Variants in SCAF8 observed in about 807,000 individuals in gnomAD.
SCAF8 encodes SR-related and CTD-associated factor 8.
In SCAF8, 23 loss-of-function variants were observed where a neutral mutation model predicts 140.5. The ratio of observed to expected loss-of-function variants is 0.16; its 90% confidence interval spans 0.12 to 0.23. The LOEUF (loss-of-function observed/expected upper bound fraction) is 0.23. Among genes scored for constraint, SCAF8 ranks in the 10% least tolerant of loss-of-function variants. The pLI is 1.00. For missense variants in SCAF8, 1,397 were observed against 1,555.7 expected, an observed-to-expected ratio of 0.90 and a Z score of 1.72; for synonymous variants, 575 against 528.9, an observed-to-expected ratio of 1.09 and a Z score of -1.20.
chr6:154,795,496 G>A (rs751064887), intron 6 of SCAF8, among the ~76,000 whole-genome samples: 7 of 152,132 alleles, frequency 4.6e-5, no homozygotes, highest in Non-Finnish European at 8.8e-5. Flanking sequence ...CAAAATTATC[G>A]TAGGTAGTGA....
intron 1 of SCAF8, among the ~76,000 whole-genome samples, chr6:154,741,556 A>G (rs1319885632): frequency 2.0e-5 from 3 of 151,996 alleles, no homozygotes; most frequent in African/African-American, 7.2e-5. Context: ...ACAGGCATGT[A>G]CCACCACACC....
rs560017094 is a variant in SCAF8, at chr6:154,745,280, A to G, written c.30+11350A>G. On this transcript the variant is annotated intron_variant, in intron 1 of 19. Transcript: ENST00000367178. ...TTTGGGTTCTATATTTTTGGCAGAA[A>G]CACTCCAGGAGTAATATTGTATTCC... 2.0e-5 allele frequency among the ~76,000 whole-genome samples: 3 copies of G among 152,336 alleles called. No homozygotes were observed. In the East Asian group the frequency reaches 5.8e-4, roughly 29 times the overall value.
chr6:154,789,283 T>C (rs1397093469), intron 4 of SCAF8, among the ~76,000 whole-genome samples: 1 of 151,754 alleles, frequency 6.6e-6, no homozygotes, highest in South Asian at 2.1e-4. Context: ...TAATTTTTTT[T>C]TGTATTTTTA....
Position 154,733,971 on chromosome 6 carries a change from GCC to G in SCAF8, c.30+45_30+46del, listed in dbSNP as rs747651341. 7.3e-6 allele frequency: 11 copies of G among 1,501,250 alleles called. No individual in the cohort carries two copies. In the African/African-American group the frequency reaches 1.2e-4, roughly 16 times the overall value. 93.0% of individuals were successfully genotyped at this position (1,501,250 alleles called of 1,614,324 possible). ...GGGTTCCCCTGCTCCTGCCCGCACCGCCCCCACCCCTGGTCGAGGCCGGGGCC... is the reference window on the plus strand; with the variant it reads ...GGGTTCCCCTGCTCCTGCCCGCACCGCCCACCCCTGGTCGAGGCCGGGGCC... On this transcript the variant is annotated intron_variant, in intron 1 of 19. Coordinates refer to ENST00000367178, the MANE Select transcript of SCAF8 (RefSeq NM_014892.5).
At chr6:154,824,483 A>G in intron 17 of SCAF8, 105 bp downstream of exon 17, 1 of 1,027,682 alleles carries the variant, frequency 9.7e-7, no homozygotes, top group South Asian at 1.6e-5. Flanking sequence ...AGACCTTAGC[A>G]TGCATAGCCT....
In SCAF8 at chr6:154,833,274, A is replaced by G; in HGVS notation, c.3695A>G (p.Asn1232Ser). Residue 1232 changes from asparagine (N) to serine (S), a missense_variant, in exon 20 of 20, where the codon AAT becomes AGT. Physicochemically the swap from Asn to Ser is conservative, Grantham distance 46 (BLOSUM62 1). Around this residue, in one of 5 missense-constraint regions of SCAF8, gnomAD observed 930 missense variants for 874.6 expected, o/e 1.06. Transcript: ENST00000367178. Reference sequence around the variant, plus strand: ...CAGCCACCACCTATACCAGTACAGAATGATCCTGAACTTTATGAAAAACTG... The same window carrying G: ...CAGCCACCACCTATACCAGTACAGAGTGATCCTGAACTTTATGAAAAACTG... Reference protein sequence around the residue: ...HAQPPPIPVQNDPELYEKLTS... With the variant: ...HAQPPPIPVQSDPELYEKLTS... 1 of 1,614,036 alleles carries G rather than the reference A, an allele frequency of 6.2e-7. No individual in the cohort carries two copies. Among genetic ancestry groups the G allele is most frequent in the Non-Finnish European group, 8.5e-7 (1 of 1,179,992 alleles).
At chr6:154,740,701 A>G (rs1420614643) in intron 1 of SCAF8, among the ~76,000 whole-genome samples, 1 of 150,800 alleles carries the variant, frequency 6.6e-6, no homozygotes, top group African/African-American at 2.4e-5. Flanking sequence ...GCTCACTGCA[A>G]CCTCTGCCTC....
chr6:154,751,876 A>G (rs1778846358), intron 1 of SCAF8, among the ~76,000 whole-genome samples: 1 of 152,210 alleles, frequency 6.6e-6, no homozygotes, highest in Non-Finnish European at 1.5e-5. Context: ...AGGATGCCAC[A>G]GAAAATACGC....
Position 154,808,775 on chromosome 6 carries a change from A to G in SCAF8, c.1203A>G (p.Arg401=). Residue 401 remains arginine (R), a synonymous_variant, in exon 11 of 20, where the codon AGA becomes AGG. Transcript: ENST00000367178. ...AAGTGGCGGTTCGCTCAAGATCAAG[A>G]ACACATTCACGATCTCGTTCAAGGT... ...AKKVAVRSRS[R]THSRSRSRSP... 1 of 1,612,856 alleles carries G rather than the reference A, an allele frequency of 6.2e-7. No individual in the cohort carries two copies. Among genetic ancestry groups the G allele is most frequent in the Non-Finnish European group, 8.5e-7 (1 of 1,178,916 alleles).
intron 1 of SCAF8, among the ~76,000 whole-genome samples, chr6:154,768,958 G>A (rs1401249921): frequency 6.6e-6 from 1 of 151,370 alleles, no homozygotes; most frequent in Non-Finnish European, 1.5e-5. Context: ...AGCCACTCAG[G>A]AGGCTGAGGC....
chr6:154,739,317 T>TA (rs1225482939), intron 1 of SCAF8, among the ~76,000 whole-genome samples: 3 of 152,036 alleles, frequency 2.0e-5, no homozygotes, highest in Non-Finnish European at 4.4e-5. Context: ...TTAAGTACTT[T>TA]AAAAAAACAA....
chr6:154,800,461 C>G (rs1777740694), intron 6 of SCAF8, among the ~76,000 whole-genome samples: 1 of 151,392 alleles, frequency 6.6e-6, no homozygotes, highest in African/African-American at 2.4e-5. Flanking sequence ...TAAGTGTGAC[C>G]TGGGCTGTGA....
intron 18 of SCAF8, among the ~76,000 whole-genome samples, chr6:154,829,834 G>A (rs908378610): frequency 6.6e-6 from 1 of 152,196 alleles, no homozygotes; most frequent in Non-Finnish European, 1.5e-5. Context: ...TTGAACCCAG[G>A]AGGTGGAGGT....
At position 154,828,222 on chromosome 6, in the gene SCAF8, C is replaced by T. The variant is rs140361665; in HGVS notation, c.2140+982C>T. 6.0e-3 allele frequency among the ~76,000 whole-genome samples: 909 copies of T among 152,206 alleles called. 3 individuals carry two copies. Among genetic ancestry groups the T allele is most frequent in the Middle Eastern group, 0.014 (4 of 294 alleles). On this transcript the variant is annotated intron_variant, in intron 18 of 19. Transcript: ENST00000367178. ...TGGTGATCTTTCTAAATGTATAATT[C>T]CTTCCATGTTTCTTAACTTAAATGA... is the stretch of plus-strand genomic sequence containing the variant.
At chr6:154,777,890 A>G in intron 2 of SCAF8, 111 bp from the exon 3 acceptor site, 1 of 671,836 alleles carries the variant, frequency 1.5e-6, no homozygotes, top group Non-Finnish European at 2.6e-6. Flanking sequence ...ATTCTTGGTT[A>G]AGATAATTGT....
At chr6:154,831,895 T>A in intron 19 of SCAF8, 44 bp from the exon 20 acceptor site, 2 of 1,520,364 alleles carry the variant, frequency 1.3e-6, no homozygotes, top group Non-Finnish European at 1.8e-6. Flanking sequence ...ATTGGAAACT[T>A]TTGACTGTTA....
chr6:154,832,924 C>T lies in SCAF8; in HGVS notation c.3345C>T (p.Gly1115=). 2 of 1,614,090 alleles carry T rather than the reference C, an allele frequency of 1.2e-6. No homozygotes were observed. The highest frequency in any genetic ancestry group is 1.7e-6 in the Non-Finnish European group (2 of 1,180,022). The change falls in exon 20 of 20, where the codon GGC becomes GGT. Residue 1115 remains glycine, a synonymous_variant. Transcript: ENST00000367178. ...TACCGGTCTATGGTGGTCCAAAAGGCTTACATGAAGAAAGAGGTAGATTTC... is the reference window on the plus strand; with the variant it reads ...TACCGGTCTATGGTGGTCCAAAAGGTTTACATGAAGAAAGAGGTAGATTTC... The part of the protein sequence containing the change: ...RVLPVYGGPK[G]LHEERGRFRS...
At chr6:154,805,542 T>A in intron 9 of SCAF8, 56 bp downstream of exon 9, 3 of 988,372 alleles carry the variant, frequency 3.0e-6, no homozygotes, top group Non-Finnish European at 4.4e-6. Flanking sequence ...TTCTATAAAT[T>A]GGCATTTTTG....
intron 4 of SCAF8, among the ~76,000 whole-genome samples, chr6:154,791,741 A>G (rs1310740099): frequency 6.6e-6 from 1 of 152,208 alleles, no homozygotes; most frequent in Admixed American, 6.5e-5. Flanking sequence ...CAGCTGCCAT[A>G]TGACTGACTG....
Sources: gnomAD v4.1 joint callset for allele counts (sites outside exome capture counted in the v4.1 genomes callset) on GRCh38, gnomAD v4.1.1 for gene constraint, gnomAD v4.1.1 regional missense constraint, MANE v1.5 for transcripts, NCBI Gene and HGNC (gene_info 2026-07-23, HGNC 2026-07-21) for gene names.